Variants in LSR observed in about 807,000 individuals in gnomAD.
The protein encoded by LSR is lipolysis-stimulated lipoprotein receptor.
LSR carries 44 observed loss-of-function variants against 61.8 expected under a neutral mutation model. The ratio of observed to expected loss-of-function variants is 0.71; its 90% confidence interval spans 0.56 to 0.91. LSR has a LOEUF of 0.91. Ranked by LOEUF, LSR falls within the 40% of genes least tolerant of loss-of-function variation. The pLI is 0.00. For synonymous variants in LSR, 397 were observed against 350.6 expected, an observed-to-expected ratio of 1.13 and a Z score of -1.48; for missense variants, 911 against 830.5, an observed-to-expected ratio of 1.10 and a Z score of -1.19.
chr19:35,261,992 T>G lies in LSR; in HGVS notation c.631+11T>G. On this transcript the variant is annotated intron_variant, in intron 4 of 9. Coordinates refer to ENST00000605618, the MANE Select transcript of LSR (RefSeq NM_205834.4). ...CGGGGCCCATAGAAGGTACGGGGGG[T>G]GGATCCTGAGTTGGGCTTCTCGGGA... 6.6e-7 allele frequency: 1 copy of G among 1,517,178 alleles called. No homozygotes were observed. Among genetic ancestry groups the G allele is most frequent in the South Asian group, 1.3e-5 (1 of 74,510 alleles). 94.0% of individuals were successfully genotyped at this position (1,517,178 alleles called of 1,614,324 possible).
At chr19:35,265,519 A>G (rs2065985642) in intron 5 of LSR, among the ~76,000 whole-genome samples, 1 of 152,086 alleles carries the variant, frequency 6.6e-6, no homozygotes, top group Non-Finnish European at 1.5e-5. Flanking sequence ...CTTCCAAACC[A>G]AATCAGAGGT....
At position 35,267,656 on chromosome 19, in the gene LSR, A is replaced by C. The variant is rs1162552320; in HGVS notation, c.1692A>C (p.Glu564Asp). ...ERRRPHKEEE[E>D]EAYYPPAPPP... ...GGAGACCCCACAAGGAGGAGGAGGA[A>C]GAGGCCTACTACCCGCCCGCGCCGC... The change falls in exon 9 of 10, where the codon GAA becomes GAC. Residue 564 changes from glutamate (E) to aspartate (D), a missense_variant. Glu to Asp is a conservative substitution (Grantham distance 45, BLOSUM62 2). Transcript: ENST00000605618. 6.2e-7 allele frequency: 1 copy of C among 1,609,370 alleles called. No individual in the cohort carries two copies. The highest frequency in any genetic ancestry group is 1.3e-5 in the African/African-American group (1 of 74,644).
chr19:35,267,962 C>T lies in LSR; in HGVS notation c.*103C>T, dbSNP rs531964039. The T allele has an allele frequency of 3.3e-5, 46 of 1,412,046 alleles. No individual in the cohort carries two copies. In the East Asian group the frequency reaches 9.8e-4, roughly 30 times the overall value. The allele number at this position is 1,412,046 out of a possible 1,614,324, so 87.5% of individuals were successfully genotyped here. On this transcript the variant is annotated 3_prime_UTR_variant, in exon 10 of 10. Transcript: ENST00000605618. Reference sequence around the variant, plus strand: ...CCGAGTCTAATAAAACGTATAATCACAAGCTCTGGAGAGAACCATTTGTTC... The same window carrying T: ...CCGAGTCTAATAAAACGTATAATCATAAGCTCTGGAGAGAACCATTTGTTC...
At chr19:35,253,079 G>T (rs112933136) in intron 2 of LSR, among the ~76,000 whole-genome samples, 14 of 152,210 alleles carry the variant, frequency 9.2e-5, no homozygotes, top group African/African-American at 2.9e-4. Context: ...CAGCACTTTG[G>T]GAGGCCGAGG....
intron 3 of LSR, among the ~76,000 whole-genome samples, chr19:35,260,703 T>A (rs2065916140): frequency 6.6e-6 from 1 of 152,100 alleles, no homozygotes; most frequent in Non-Finnish European, 1.5e-5. Context: ...GGCATGCACC[T>A]GTGAGCCCAG....
intron 2 of LSR, among the ~76,000 whole-genome samples, chr19:35,255,543 G>A (rs1321759408): frequency 2.0e-5 from 3 of 152,062 alleles, no homozygotes; most frequent in African/African-American, 7.2e-5. Flanking sequence ...CTTGAGCCCT[G>A]GAGTTCAAGA....
At chr19:35,266,554 A>G (rs2066002199) in intron 6 of LSR, 22 bp downstream of exon 6, 9 of 1,597,950 alleles carry the variant, frequency 5.6e-6, no homozygotes, top group South Asian at 1.1e-5. Flanking sequence ...GGAAGCAGGA[A>G]CAGCTGGTGG....
In LSR at chr19:35,267,336, G is replaced by A; in HGVS notation, c.1372G>A (p.Ala458Thr). 2.5e-6 allele frequency: 4 copies of A among 1,571,060 alleles called. No homozygotes were observed. The highest frequency in any genetic ancestry group is 3.5e-6 in the Non-Finnish European group (4 of 1,158,786). The stretch of plus-strand genomic sequence containing the variant: ...GGACGACCTCACCCCGCCGAGCACC[G>A]CCGAGTCAGGGAGCAGGTCTCCCAC... ...ALDDLTPPST[A>T]ESGSRSPTSN... is the part of the protein sequence containing the mutation. Residue 458 changes from alanine to threonine, a missense_variant, in exon 9 of 10, where the codon GCC becomes ACC. By Grantham distance (58) the Ala-to-Thr change is moderately conservative (BLOSUM62 0). Transcript: ENST00000605618.
chr19:35,259,082 G>A lies in LSR; in HGVS notation c.574+18G>A, dbSNP rs1454151724. On this transcript the variant is annotated intron_variant, in intron 3 of 9. Transcript: ENST00000605618. Reference sequence around the variant, plus strand: ...CGTCCTTGGTGAGTGGGCCTGGGAAGGGGGAGGCATGGCCCTTCCTTTTGT... The same window carrying A: ...CGTCCTTGGTGAGTGGGCCTGGGAAAGGGGAGGCATGGCCCTTCCTTTTGT... 1 of 1,609,130 alleles carries A rather than the reference G, an allele frequency of 6.2e-7. No individual in the cohort carries two copies. The highest frequency in any genetic ancestry group is 8.5e-7 in the Non-Finnish European group (1 of 1,176,790).
intron 8 of LSR, 55 bp downstream of exon 8, chr19:35,267,022 C>CT (rs2066013688): frequency 1.3e-6 from 2 of 1,570,602 alleles, no homozygotes; most frequent in Non-Finnish European, 1.7e-6. Flanking sequence ...TGAAACATGT[C>CT]TCCCTGATAC....
chr19:35,266,861 G>C lies in LSR; in HGVS notation c.1038G>C (p.Gln346His). ...AAGTCCGCAGTGGCTACAGGATTCA[G>C]GCCAGCCAGCAGGACGACTCCATGC... ...ASEVRSGYRI[Q>H]ASQQDDSMRV... Residue 346 changes from glutamine (Q) to histidine (H), a missense_variant, in exon 8 of 10, where the codon CAG becomes CAC. Physicochemically the swap from Gln to His is conservative, Grantham distance 24. Transcript: ENST00000605618. The C allele has an allele frequency of 1.9e-6, 3 of 1,610,782 alleles. No homozygotes were observed. Among genetic ancestry groups the C allele is most frequent in the Non-Finnish European group, 2.5e-6 (3 of 1,178,568 alleles).
Position 35,267,235 on chromosome 19 carries a change from A to T in LSR, c.1271A>T (p.Asp424Val). The change falls in exon 9 of 10, where the codon GAC becomes GTC. Residue 424 changes from aspartate (D) to valine (V), a missense_variant. Physicochemically the swap from Asp to Val is radical, Grantham distance 152. Coordinates refer to ENST00000605618, the MANE Select transcript of LSR (RefSeq NM_205834.4). ...GHSPRSPRGW[D>V]QEPAREQAGG... ...TCCCCCCGGAGTCCCAGGGGATGGG[A>T]CCAGGAGCCCGCCAGGGAGCAGGCA... 1 of 1,533,664 alleles carries T rather than the reference A, an allele frequency of 6.5e-7. No homozygotes were observed. The highest frequency in any genetic ancestry group is 8.7e-7 in the Non-Finnish European group (1 of 1,142,878).
chr19:35,264,585 C>A (rs901101606), intron 5 of LSR: 2 of 152,206 alleles, frequency 1.3e-5, no homozygotes, highest in African/African-American at 2.4e-5. Context: ...AGGAGGGTGT[C>A]TGGGTAGACC....
chr19:35,258,984 G>C lies in LSR; in HGVS notation c.494G>C (p.Ser165Thr). The C allele has an allele frequency of 6.2e-7, 1 of 1,614,070 alleles. No individual in the cohort carries two copies. The highest frequency in any genetic ancestry group is 2.2e-5 in the East Asian group (1 of 44,878). The change falls in exon 3 of 10, where the codon AGT becomes ACT. Residue 165 changes from serine to threonine, a missense_variant. Coordinates refer to ENST00000605618, the MANE Select transcript of LSR (RefSeq NM_205834.4). ...TTTGACCAGACGGCGTGGGGGGACA[G>C]TGGTGTGTATTACTGCTCCGTGGTC... ...LTFDQTAWGDSGVYYCSVVSA... is the reference protein window; with the variant it reads ...LTFDQTAWGDTGVYYCSVVSA...
rs1229919991 is a variant in LSR at position 35,266,356 on chromosome 19, C to T, written c.779-3C>T. On this transcript the variant is annotated splice_region_variant and splice_polypyrimidine_tract_variant and intron_variant, in intron 5 of 9. Transcript: ENST00000605618. ...CCTTCTCCTGTTGATTGTGTCCTCA[C>T]AGTGTATGCCGCCGGCAAAGCAGCC... The T allele has an allele frequency of 6.4e-7, 1 of 1,571,838 alleles. No individual in the cohort carries two copies. Among genetic ancestry groups the T allele is most frequent in the East Asian group, 2.2e-5 (1 of 44,524 alleles).
At chr19:35,254,759 G>A (rs946941526) in intron 2 of LSR, among the ~76,000 whole-genome samples, 2 of 152,242 alleles carry the variant, frequency 1.3e-5, no homozygotes, top group Admixed American at 1.3e-4. Context: ...GCCCGGATGA[G>A]ATCACGGCCA....
intron 5 of LSR, chr19:35,262,933 A>G (rs1568446277): frequency 1.9e-6 from 1 of 521,238 alleles, no homozygotes; most frequent in South Asian, 2.7e-5. Context: ...TACACATGGT[A>G]AAAATGTCCA....
Position 35,267,435 on chromosome 19 carries a change from G to A in LSR, c.1471G>A (p.Asp491Asn), listed in dbSNP as rs1227139098. 3 of 1,610,518 alleles carry A rather than the reference G, an allele frequency of 1.9e-6. No homozygotes were observed. Among genetic ancestry groups the A allele is most frequent in the East Asian group, 2.2e-5 (1 of 44,852 alleles). ...RSRDDLYDQD[D>N]SRDFPRSRDP... Reference sequence around the variant, plus strand: ...CCGGGACGACCTCTATGACCAAGACGACTCGAGGGACTTCCCACGCTCCCG... The same window carrying A: ...CCGGGACGACCTCTATGACCAAGACAACTCGAGGGACTTCCCACGCTCCCG... Residue 491 changes from aspartate (D) to asparagine (N), a missense_variant, in exon 9 of 10, where the codon GAC becomes AAC. Asp to Asn is a conservative substitution (Grantham distance 23). Transcript: ENST00000605618.
intron 1 of LSR, chr19:35,249,361 C>A (rs1051685440): frequency 7.4e-6 from 4 of 541,550 alleles, no homozygotes; most frequent in South Asian, 5.4e-5. Context: ...AGTGAAACTC[C>A]CTGGACGGTG....
Sources: allele counts gnomAD v4.1 joint callset (sites outside exome capture counted in the v4.1 genomes callset), GRCh38; gene constraint gnomAD v4.1.1; transcripts MANE v1.5; gene names NCBI Gene and HGNC (gene_info 2026-07-23, HGNC 2026-07-21).